The following CDH18 variants were observed in gnomAD, a reference collection of about 807,000 sequenced individuals.
CDH18 encodes cadherin 18, also known as cadherin-18.
In CDH18, 31 loss-of-function variants were observed where a neutral mutation model predicts 67.9. The observed-to-expected ratio is 0.46, with a 90% CI of 0.34 to 0.62. The LOEUF is 0.62. Among genes scored for constraint, CDH18 ranks in the 20% least tolerant of loss-of-function variants. CDH18 has a pLI of 0.01. For missense variants in CDH18, 890 were observed against 975.5 expected (o/e 0.91, Z 1.17); for synonymous variants, 362 against 347.2 (o/e 1.04, Z -0.48).
chr5:19,626,751 T>C (rs958104164), intron 5 of CDH18, among the ~76,000 whole-genome samples: 1 of 151,804 alleles, frequency 6.6e-6, no homozygotes, highest in Non-Finnish European at 1.5e-5. Context: ...AGCAGATTAG[T>C]TGTTGTTAAT....
At chr5:19,623,713 A>G (rs1318664522) in intron 5 of CDH18, among the ~76,000 whole-genome samples, 1 of 151,752 alleles carries the variant, frequency 6.6e-6, no homozygotes, top group Non-Finnish European at 1.5e-5. Flanking sequence ...AAACACTTGG[A>G]ATACGTGTTG....
chr5:20,468,002 T>TTGTG (rs756817465), intron 1 of CDH18, among the ~76,000 whole-genome samples: 1 of 69,868 alleles, frequency 1.4e-5, no homozygotes, highest in East Asian at 4.3e-4. Context: ...ATGTATTTAT[T>TTGTG]TATGTATTTA....
chr5:20,544,757 C>T (rs541908414), intron 1 of CDH18, among the ~76,000 whole-genome samples: 3 of 152,272 alleles, frequency 2.0e-5, no homozygotes, highest in East Asian at 1.9e-4. Flanking sequence ...GACACAGAGG[C>T]AAACCATATC....
intron 5 of CDH18, among the ~76,000 whole-genome samples, chr5:19,633,257 C>T (rs920339650): frequency 6.6e-6 from 1 of 152,134 alleles, no homozygotes; most frequent in African/African-American, 2.4e-5. Context: ...TTAAATACAG[C>T]TTATTTCTCC....
intron 1 of CDH18, among the ~76,000 whole-genome samples, chr5:20,292,069 G>A (rs1401642966): frequency 6.6e-6 from 1 of 152,152 alleles, no homozygotes; most frequent in Non-Finnish European, 1.5e-5. Flanking sequence ...GAGCACACCT[G>A]GGTCAGTAAT....
chr5:20,512,469 T>C (rs1755098462), intron 1 of CDH18, among the ~76,000 whole-genome samples: 1 of 152,176 alleles, frequency 6.6e-6, no homozygotes, highest in African/African-American at 2.4e-5. Flanking sequence ...TAATGTGATA[T>C]ATTCTTTGTG....
At chr5:20,267,482 C>A (rs1745128651) in intron 1 of CDH18, among the ~76,000 whole-genome samples, 1 of 151,974 alleles carries the variant, frequency 6.6e-6, no homozygotes, top group Non-Finnish European at 1.5e-5. Flanking sequence ...ATGATCTTGG[C>A]ATTTTGATAG....
chr5:19,554,798 A>G (rs958596662), intron 8 of CDH18, among the ~76,000 whole-genome samples: 2 of 152,122 alleles, frequency 1.3e-5, no homozygotes. Context: ...GAGGTCTTCT[A>G]TATCTTTAAT....
intron 2 of CDH18, among the ~76,000 whole-genome samples, chr5:20,148,313 G>A (rs1461959748): frequency 6.6e-6 from 1 of 151,926 alleles, no homozygotes; most frequent in Admixed American, 6.6e-5. Context: ...TAGCCAGGAT[G>A]GTCTCGATCT....
At chr5:20,422,317 A>G (rs904073842) in intron 1 of CDH18, among the ~76,000 whole-genome samples, 1 of 151,038 alleles carries the variant, frequency 6.6e-6, no homozygotes, top group African/African-American at 2.5e-5. Context: ...AATACATGTG[A>G]TCATATTTTG....
chr5:19,527,733 T>G (rs10941326), intron 9 of CDH18, among the ~76,000 whole-genome samples: 42,638 of 151,620 alleles, frequency 0.28, 6,180 homozygotes, highest in South Asian at 0.4. Flanking sequence ...ATCCCATATA[T>G]TTATTCAACT....
At chr5:20,304,834 C>G (rs1179589586) in intron 1 of CDH18, 1 of 1,611,546 alleles carries the variant, frequency 6.2e-7, no homozygotes, top group Non-Finnish European at 8.5e-7. Context: ...TTCAGAATTC[C>G]TGCCACTGTT....
intron 3 of CDH18, among the ~76,000 whole-genome samples, chr5:19,801,026 G>A (rs1561326989): frequency 6.6e-6 from 1 of 152,102 alleles, no homozygotes; most frequent in South Asian, 2.1e-4. Context: ...GCTGAGGCAG[G>A]AGAATTGCCT....
intron 1 of CDH18, among the ~76,000 whole-genome samples, chr5:20,514,341 C>T (rs568791632): frequency 3.4e-4 from 52 of 152,140 alleles, no homozygotes; most frequent in Middle Eastern, 3.4e-3. Flanking sequence ...AGTCATAGAA[C>T]CAAGGGATCA....
chr5:19,665,784 G>A (rs1757832361), intron 5 of CDH18, among the ~76,000 whole-genome samples: 1 of 152,134 alleles, frequency 6.6e-6, no homozygotes, highest in Non-Finnish European at 1.5e-5. Context: ...GTTACAATGG[G>A]AAGAATAGTT....
At chr5:19,722,285 C>T (rs1432421626) in intron 4 of CDH18, among the ~76,000 whole-genome samples, 3 of 151,830 alleles carry the variant, frequency 2.0e-5, no homozygotes, top group African/African-American at 7.3e-5. Context: ...AACTCCTGAT[C>T]TCTGGTGATC....
At chr5:19,915,762 T>G (rs905755477) in intron 2 of CDH18, among the ~76,000 whole-genome samples, 1 of 152,002 alleles carries the variant, frequency 6.6e-6, no homozygotes, top group African/African-American at 2.4e-5. Context: ...GTTTTTTTTT[T>G]CTTTTAATTT....
intron 1 of CDH18, among the ~76,000 whole-genome samples, chr5:20,518,149 A>G (rs950051361): frequency 3.3e-5 from 5 of 152,194 alleles, no homozygotes; most frequent in African/African-American, 1.2e-4. Flanking sequence ...TTGATTCACT[A>G]TCTACTAACT....
At chr5:19,853,411 G>A (rs1187382975) in intron 2 of CDH18, among the ~76,000 whole-genome samples, 2 of 152,188 alleles carry the variant, frequency 1.3e-5, no homozygotes, top group East Asian at 1.9e-4. Flanking sequence ...CACCCTGGGG[G>A]TTCAGCCTTG....
Sources: gnomAD v4.1 joint callset for allele counts (sites outside exome capture counted in the v4.1 genomes callset) on GRCh38, gnomAD v4.1.1 for gene constraint, MANE v1.5 for transcripts, NCBI Gene and HGNC (gene_info 2026-07-23, HGNC 2026-07-21) for gene names.